KALRN: variants seen among roughly 807,000 people sequenced by gnomAD.
The protein encoded by KALRN is kalirin.
A neutral mutation model predicts 353.7 loss-of-function variants in KALRN; 70 were observed. The observed-to-expected ratio is 0.20, with a 90% CI of 0.16 to 0.24. The LOEUF (loss-of-function observed/expected upper bound fraction) is 0.24, where lower values mean the gene tolerates loss of function less well. KALRN is among the 10% of genes least tolerant of loss of function. KALRN has a pLI of 1.00. For missense variants in KALRN, 2,791 were observed against 3,756.7 expected, an observed-to-expected ratio of 0.74 and a Z score of 6.72; for synonymous variants, 1,391 against 1,434.8, an observed-to-expected ratio of 0.97 and a Z score of 0.69.
At position 124,450,050 on chromosome 3, in the gene KALRN, T is replaced by C. The variant is rs530872431; in HGVS notation, c.3552+3165T>C. On this transcript the variant is annotated intron_variant, in intron 21 of 59. Transcript: ENST00000682506. ...GTGAACAGATGTTTCAGTTCCCTTA[T>C]GTGCATACCTGGGAGTGGAATGGTT... Among the ~76,000 whole-genome samples, 7 of 152,372 alleles carry C rather than the reference T, an allele frequency of 4.6e-5. No individual in the cohort carries two copies. The South Asian group carries it at 8.3e-4, about 18-fold the overall frequency.
chr3:124,493,024 T>C (rs2063336496), intron 32 of KALRN, 142 bp downstream of exon 32: 1 of 835,172 alleles, frequency 1.2e-6, no homozygotes, highest in Admixed American at 2.8e-5. Context: ...CTAGGATGAG[T>C]CATCTGATCT....
At chr3:124,392,748 G>A (rs2089608165) in intron 11 of KALRN, among the ~76,000 whole-genome samples, 1 of 150,710 alleles carries the variant, frequency 6.6e-6, no homozygotes, top group Admixed American at 6.6e-5. Flanking sequence ...GGAATTACAG[G>A]TGTACGGCAT....
intron 2 of KALRN, among the ~76,000 whole-genome samples, chr3:124,231,474 T>C (rs2079142931): frequency 6.6e-6 from 1 of 152,212 alleles, no homozygotes; most frequent in Admixed American, 6.5e-5. Flanking sequence ...GTTTCCACCG[T>C]TCCCAGGGAA....
At chr3:124,193,490 C>T (rs1329030523) in intron 1 of KALRN, among the ~76,000 whole-genome samples, 1 of 150,880 alleles carries the variant, frequency 6.6e-6, no homozygotes, top group East Asian at 1.9e-4. Flanking sequence ...TCTGGGTGGA[C>T]CCTGAAAGAT....
intron 1 of KALRN, among the ~76,000 whole-genome samples, chr3:124,192,583 C>T (rs144369542): frequency 1.3e-5 from 2 of 152,180 alleles, no homozygotes; most frequent in African/African-American, 2.4e-5. Context: ...CCCCATTCTC[C>T]GTGATGTGCT....
intron 2 of KALRN, among the ~76,000 whole-genome samples, chr3:124,234,032 G>A (rs538243390): frequency 2.6e-5 from 4 of 152,276 alleles, no homozygotes; most frequent in African/African-American, 7.2e-5. Context: ...GAAAGTAGAG[G>A]AAAGAAAAAG....
intron 57 of KALRN, among the ~76,000 whole-genome samples, chr3:124,705,505 T>C (rs1465560402): frequency 6.6e-6 from 1 of 152,056 alleles, no homozygotes; most frequent in Non-Finnish European, 1.5e-5. Flanking sequence ...TGCAGCAGAA[T>C]TACCCAAAAG....
At chr3:124,155,005 G>C (rs983658737) in intron 1 of KALRN, among the ~76,000 whole-genome samples, 12 of 152,166 alleles carry the variant, frequency 7.9e-5, no homozygotes, top group African/African-American at 2.9e-4. Flanking sequence ...ACAAGCAATG[G>C]GGAAAGGATT....
intron 34 of KALRN, among the ~76,000 whole-genome samples, chr3:124,584,368 G>A (rs1414079123): frequency 6.6e-6 from 1 of 152,180 alleles, no homozygotes; most frequent in Non-Finnish European, 1.5e-5. Context: ...GAGCATCTAA[G>A]TCTGCCCCTC....
At chr3:124,226,780 C>G (rs567370664) in intron 1 of KALRN, among the ~76,000 whole-genome samples, 2 of 152,264 alleles carry the variant, frequency 1.3e-5, no homozygotes, top group South Asian at 4.1e-4. Context: ...TGGGATTGTC[C>G]TGCCCAGCAT....
chr3:124,445,923 C>A (rs534878481), intron 19 of KALRN, among the ~76,000 whole-genome samples: 1 of 152,328 alleles, frequency 6.6e-6, no homozygotes, highest in East Asian at 1.9e-4. Context: ...TTCTTCCCAC[C>A]TTAGTTGATG....
At chr3:124,311,335 C>G (rs770481715) in intron 6 of KALRN, among the ~76,000 whole-genome samples, 1 of 151,760 alleles carries the variant, frequency 6.6e-6, no homozygotes, top group Non-Finnish European at 1.5e-5. Flanking sequence ...TGGTGGGGCA[C>G]GCCTATAGTC....
At chr3:124,706,879 G>A (rs1384024424) in intron 57 of KALRN, among the ~76,000 whole-genome samples, 2 of 151,426 alleles carry the variant, frequency 1.3e-5, no homozygotes, top group African/African-American at 2.4e-5. Flanking sequence ...CACCAAACAC[G>A]TTTTTATTCC....
At chr3:124,319,691 T>C (rs2079128035) in intron 6 of KALRN, among the ~76,000 whole-genome samples, 1 of 151,716 alleles carries the variant, frequency 6.6e-6, no homozygotes, top group Admixed American at 6.6e-5. Context: ...CATGTATACC[T>C]GGTACAAAAT....
At chr3:124,561,751 A>G (rs2072039061) in intron 33 of KALRN, among the ~76,000 whole-genome samples, 1 of 152,082 alleles carries the variant, frequency 6.6e-6, no homozygotes, top group African/African-American at 2.4e-5. Context: ...TTTGGGGTGA[A>G]CTTTAGAGGA....
chr3:124,613,012 A>T (rs2078176904), intron 34 of KALRN, among the ~76,000 whole-genome samples: 1 of 152,198 alleles, frequency 6.6e-6, no homozygotes, highest in Admixed American at 6.5e-5. Context: ...TCTGCAAAGG[A>T]TATCTGCAGG....
chr3:124,671,031 T>C (rs1313725444), intron 47 of KALRN, among the ~76,000 whole-genome samples: 5 of 152,174 alleles, frequency 3.3e-5, no homozygotes, highest in Non-Finnish European at 7.3e-5. Context: ...TACCTCTCGC[T>C]TTTACCATTC....
At chr3:124,655,819 T>C (rs2083952887) in intron 39 of KALRN, 152 bp downstream of exon 39, 4 of 627,830 alleles carry the variant, frequency 6.4e-6, no homozygotes, top group African/African-American at 3.6e-5. Context: ...AAGTAGAATA[T>C]GTAGGCAATA....
chr3:124,187,018 G>T (rs77623351), intron 1 of KALRN, among the ~76,000 whole-genome samples: 5,007 of 152,190 alleles, frequency 0.033, 113 homozygotes, highest in Middle Eastern at 0.054. Context: ...GGTGCGGGTG[G>T]GATATCTTGC....
Sources: gnomAD v4.1 joint callset for allele counts (sites outside exome capture counted in the v4.1 genomes callset) on GRCh38, gnomAD v4.1.1 for gene constraint, MANE v1.5 for transcripts, NCBI Gene and HGNC (gene_info 2026-07-23, HGNC 2026-07-21) for gene names.